TRIM23: variants seen among roughly 807,000 people sequenced by gnomAD.
TRIM23 encodes E3 ubiquitin-protein ligase TRIM23.
TRIM23 carries 27 observed loss-of-function variants against 71.0 expected under a neutral mutation model. The observed-to-expected ratio is 0.38, with a 90% confidence interval of 0.28 to 0.52. TRIM23 has a LOEUF of 0.52. Ranked by LOEUF, TRIM23 falls within the 20% of genes least tolerant of loss-of-function variation. TRIM23 has a pLI of 0.84. For synonymous variants in TRIM23, 234 were observed against 238.0 expected (o/e 0.98, Z 0.16); for missense variants, 482 against 692.3 (o/e 0.70, Z 3.41).
At chr5:65,615,157 C>T (rs1754747954) in intron 2 of TRIM23, among the ~76,000 whole-genome samples, 1 of 152,132 alleles carries the variant, frequency 6.6e-6, no homozygotes, top group East Asian at 1.9e-4. Flanking sequence ...CTGCCTCAGC[C>T]TCCCAAAGTG....
chr5:65,618,285 T>C (rs777365617), intron 1 of TRIM23, 30 bp from the exon 2 acceptor site: 1 of 1,574,642 alleles, frequency 6.4e-7, no homozygotes, highest in East Asian at 2.3e-5. Context: ...GATGTGCTCT[T>C]TAAACAATTT....
chr5:65,608,114 A>G (rs1435078686), intron 6 of TRIM23, among the ~76,000 whole-genome samples: 1 of 152,240 alleles, frequency 6.6e-6, no homozygotes, highest in African/African-American at 2.4e-5. Context: ...CATAGCTACC[A>G]CTTCCAGTGC....
In TRIM23 at chr5:65,611,826, A is replaced by G; in HGVS notation, c.422T>C (p.Val141Ala). 1 of 1,614,128 alleles carries G rather than the reference A, an allele frequency of 6.2e-7. No homozygotes were observed. The highest frequency in any genetic ancestry group is 1.7e-5 in the Admixed American group (1 of 60,022). The change falls in exon 4 of 11, where the codon GTG (valine) becomes GCG (alanine). Residue 141 changes from valine to alanine, a missense_variant. By Grantham distance (64) the Val-to-Ala change is moderately conservative. Transcript: ENST00000231524. The stretch of plus-strand genomic sequence containing the variant: ...CTCAGAGCACAAATGAGTTGCACAC[A>G]CAGTGCAATATACAGAGGCAAGGTG... Reference protein sequence around the residue: ...EAHLASVYCTVCATHLCSECS... With the variant: ...EAHLASVYCTACATHLCSECS...
intron 3 of TRIM23, among the ~76,000 whole-genome samples, chr5:65,613,080 T>C (rs1393846283): frequency 1.3e-5 from 2 of 152,126 alleles, no homozygotes; most frequent in Non-Finnish European, 2.9e-5. Flanking sequence ...TCATTCTTTA[T>C]CACATTAAAT....
Position 65,591,037 on chromosome 5 carries a change from C to G in TRIM23, c.*732G>C, listed in dbSNP as rs1754007282. The G allele has an allele frequency of 1.0e-6, 1 of 988,882 alleles. No individual in the cohort carries two copies. Among genetic ancestry groups the G allele is most frequent in the African/African-American group, 1.7e-5 (1 of 57,250 alleles). The allele number at this position is 988,882 out of a possible 1,614,324, so 61.3% of individuals were successfully genotyped here. A position where few individuals can be genotyped will look rare whatever the true frequency, so the allele number is the denominator to read the frequency against. ...GGTTCAGTCCTGGAAATGGGTCTTT[C>G]ATAAATTCAGATCCAATTACTTCCA... is the stretch of plus-strand genomic sequence containing the variant. On this transcript the variant is annotated 3_prime_UTR_variant, in exon 11 of 11. Coordinates refer to ENST00000231524, the MANE Select transcript of TRIM23 (RefSeq NM_001656.4).
intron 7 of TRIM23, among the ~76,000 whole-genome samples, chr5:65,604,216 C>A (rs1365234188): frequency 2.6e-5 from 4 of 152,238 alleles, no homozygotes; most frequent in Middle Eastern, 3.4e-3. Flanking sequence ...CCTGCCTCAG[C>A]CTCCCAAGTA....
chr5:65,610,142 G>A (rs1019763600), intron 5 of TRIM23, among the ~76,000 whole-genome samples: 1 of 152,136 alleles, frequency 6.6e-6, no homozygotes, highest in Non-Finnish European at 1.5e-5. Context: ...CACTACCCTA[G>A]TGTATTATAG....
intron 5 of TRIM23, among the ~76,000 whole-genome samples, chr5:65,610,084 C>T (rs1451669300): frequency 6.6e-6 from 1 of 152,206 alleles, no homozygotes; most frequent in Non-Finnish European, 1.5e-5. Context: ...TAAGACCTAT[C>T]TATTCTACTT....
At chr5:65,601,232 G>C (rs1754356945) in intron 7 of TRIM23, among the ~76,000 whole-genome samples, 1 of 152,178 alleles carries the variant, frequency 6.6e-6, no homozygotes, top group African/African-American at 2.4e-5. Flanking sequence ...CCAAGAGGTG[G>C]AAGCTACCCA....
chr5:65,599,770 C>A (rs1274828362), intron 7 of TRIM23, among the ~76,000 whole-genome samples: 2 of 151,988 alleles, frequency 1.3e-5, no homozygotes, highest in Admixed American at 6.6e-5. Context: ...CTCAAGTGAC[C>A]CTGAATAGCC....
At chr5:65,620,013 A>G (rs1754886702) in intron 1 of TRIM23, among the ~76,000 whole-genome samples, 2 of 152,170 alleles carry the variant, frequency 1.3e-5, no homozygotes, top group African/African-American at 4.8e-5. Context: ...TGAGCCTGGG[A>G]GGCGGAGGTT....
chr5:65,620,070 A>G (rs461031), intron 1 of TRIM23, among the ~76,000 whole-genome samples: 94,304 of 151,992 alleles, frequency 0.62, 29,513 homozygotes, highest in South Asian at 0.65. Flanking sequence ...AGGTGACAGA[A>G]TGACACTCGG....
rs1286452758 is a variant in TRIM23 at position 65,590,138 on chromosome 5, T to C, written c.*1631A>G. 5 of 515,854 alleles carry C rather than the reference T, an allele frequency of 9.7e-6. No individual in the cohort carries two copies. Among genetic ancestry groups the C allele is most frequent in the African/African-American group, 2.0e-5 (1 of 50,400 alleles). The allele number at this position is 515,854 out of a possible 1,614,324, so 32.0% of individuals were successfully genotyped here. On this transcript the variant is annotated 3_prime_UTR_variant, in exon 11 of 11. Transcript: ENST00000231524. ...AAAGGGAAGCAAGTTCACCTTAGTG[T>C]TACACTTTTTCTTCAATTAACTAGT... is the stretch of plus-strand genomic sequence containing the variant.
At position 65,590,107 on chromosome 5, in the gene TRIM23, T is replaced by C. The variant is rs1329673571; in HGVS notation, c.*1662A>G. 3 of 439,082 alleles carry C rather than the reference T, an allele frequency of 6.8e-6. No homozygotes were observed. The highest frequency in any genetic ancestry group is 6.2e-5 in the African/African-American group (3 of 48,780). 27.2% of individuals were successfully genotyped at this position (439,082 alleles called of 1,614,324 possible). On this transcript the variant is annotated 3_prime_UTR_variant, in exon 11 of 11. Transcript: ENST00000231524. ...TGTGCATTACAAAGTTTAGCAAAAT[T>C]AGTGAAAAGGGAAGCAAGTTCACCT...
chr5:65,620,403 AAT>A (rs1288629474), intron 1 of TRIM23, among the ~76,000 whole-genome samples: 1 of 152,220 alleles, frequency 6.6e-6, no homozygotes, highest in Non-Finnish European at 1.5e-5. Flanking sequence ...AAAGAAAGTA[AAT>A]ATACATCAAT....
chr5:65,605,422 G>A (rs2150630355), intron 6 of TRIM23, among the ~76,000 whole-genome samples: 1 of 152,284 alleles, frequency 6.6e-6, no homozygotes, highest in Non-Finnish European at 1.5e-5. Flanking sequence ...CAAGATAGTG[G>A]TTTATCATGG....
At chr5:65,610,497 T>G (rs1434009399) in intron 5 of TRIM23, among the ~76,000 whole-genome samples, 1 of 152,234 alleles carries the variant, frequency 6.6e-6, no homozygotes, top group Non-Finnish European at 1.5e-5. Context: ...ACAAACATTT[T>G]AACATATTGT....
intron 2 of TRIM23, among the ~76,000 whole-genome samples, chr5:65,616,362 A>C (rs951383672): frequency 2.0e-5 from 3 of 152,138 alleles, no homozygotes; most frequent in African/African-American, 7.2e-5. Flanking sequence ...AAAAGGTAGA[A>C]GAGCCAGGTG....
intron 6 of TRIM23, among the ~76,000 whole-genome samples, chr5:65,607,705 C>CCGG (rs1754544106): frequency 6.6e-6 from 1 of 152,172 alleles, no homozygotes; most frequent in Non-Finnish European, 1.5e-5. Context: ...TTAAATATTT[C>CCGG]AGTAACTATG....
Sources: gnomAD v4.1 joint callset for allele counts (sites outside exome capture counted in the v4.1 genomes callset) on GRCh38, gnomAD v4.1.1 for gene constraint, MANE v1.5 for transcripts, NCBI Gene and HGNC (gene_info 2026-07-23, HGNC 2026-07-21) for gene names.